FCHO2: variants seen among roughly 807,000 people sequenced by gnomAD.
FCHO2 encodes the protein F-BAR domain only protein 2.
In FCHO2, 43 loss-of-function variants were observed where a neutral mutation model predicts 114.1. That is an observed-to-expected ratio of 0.38 (90% confidence interval 0.30 to 0.49). FCHO2 has a LOEUF of 0.49. FCHO2 is among the 20% of genes least tolerant of loss of function. The pLI is 0.97. For synonymous variants in FCHO2, 293 were observed against 315.2 expected, an observed-to-expected ratio of 0.93 and a Z score of 0.75; for missense variants, 807 against 950.4, an observed-to-expected ratio of 0.85 and a Z score of 1.98.
intron 19 of FCHO2, among the ~76,000 whole-genome samples, chr5:73,071,782 T>C (rs1415894172): frequency 6.6e-6 from 1 of 152,004 alleles, no homozygotes; most frequent in Non-Finnish European, 1.5e-5. Flanking sequence ...ATGCCAACTG[T>C]TAAGTGGGTT....
At chr5:73,039,641 T>TG (rs1220592453) in intron 10 of FCHO2, among the ~76,000 whole-genome samples, 1 of 151,970 alleles carries the variant, frequency 6.6e-6, no homozygotes, top group Non-Finnish European at 1.5e-5. Context: ...GAAAGTCACC[T>TG]GGGGGGCCAG....
At chr5:73,019,445 G>A (rs1327497803) in intron 8 of FCHO2, among the ~76,000 whole-genome samples, 2 of 152,152 alleles carry the variant, frequency 1.3e-5, no homozygotes, top group Non-Finnish European at 2.9e-5. Flanking sequence ...GGGAGGCTGA[G>A]GCGGGAGAAT....
intron 8 of FCHO2, 83 bp downstream of exon 8, chr5:73,017,391 A>G (rs892702455): frequency 2.5e-6 from 2 of 799,458 alleles, no homozygotes; most frequent in African/African-American, 3.6e-5. Context: ...TCATGTGGGT[A>G]AGGGGTAATT....
At chr5:72,974,345 T>C (rs1580017590) in intron 2 of FCHO2, among the ~76,000 whole-genome samples, 1 of 142,058 alleles carries the variant, frequency 7.0e-6, no homozygotes, top group East Asian at 2.2e-4. Context: ...TCTAAGTCTC[T>C]TTGTAGGTCA....
intron 11 of FCHO2, among the ~76,000 whole-genome samples, chr5:73,049,086 C>G (rs1212430093): frequency 6.6e-6 from 1 of 151,524 alleles, no homozygotes; most frequent in Non-Finnish European, 1.5e-5. Context: ...CCGTGTTAGC[C>G]AGGATGGTCT....
chr5:73,060,139 T>C (rs566465408), intron 17 of FCHO2, among the ~76,000 whole-genome samples: 1 of 151,982 alleles, frequency 6.6e-6, no homozygotes. Flanking sequence ...AGTGTTTGGC[T>C]CATATCACCA....
intron 22 of FCHO2, among the ~76,000 whole-genome samples, chr5:73,080,859 C>T (rs1304898449): frequency 6.6e-6 from 1 of 151,962 alleles, no homozygotes; most frequent in Non-Finnish European, 1.5e-5. Context: ...GTCTATAATC[C>T]CAGTACTTTG....
chr5:73,013,477 G>T (rs1454323779), intron 6 of FCHO2, among the ~76,000 whole-genome samples: 1 of 152,158 alleles, frequency 6.6e-6, no homozygotes, highest in Non-Finnish European at 1.5e-5. Context: ...CAATAGAAAT[G>T]ACAAATGTAT....
intron 2 of FCHO2, among the ~76,000 whole-genome samples, chr5:72,987,445 C>G (rs1369470797): frequency 6.6e-6 from 1 of 152,100 alleles, no homozygotes; most frequent in African/African-American, 2.4e-5. Context: ...TCAAGCGATT[C>G]TCCTGCCTCA....
At chr5:73,046,308 C>T (rs1466298040) in intron 11 of FCHO2, among the ~76,000 whole-genome samples, 1 of 152,144 alleles carries the variant, frequency 6.6e-6, no homozygotes, top group African/African-American at 2.4e-5. Flanking sequence ...CTCAAGTGAT[C>T]CTCCTGTTTG....
At chr5:73,016,109 C>G (rs1755293384) in intron 7 of FCHO2, among the ~76,000 whole-genome samples, 1 of 151,786 alleles carries the variant, frequency 6.6e-6, no homozygotes, top group South Asian at 2.1e-4. Context: ...TTAATGATGA[C>G]AATTTGGGGT....
chr5:73,043,725 G>A (rs549073006), intron 11 of FCHO2, among the ~76,000 whole-genome samples: 2 of 152,168 alleles, frequency 1.3e-5, no homozygotes, highest in African/African-American at 4.8e-5. Flanking sequence ...AGTGATTGCT[G>A]TTTTAAAAAT....
chr5:73,054,512 A>G lies in FCHO2; in HGVS notation c.1186-13A>G. 1 of 1,538,098 alleles carries G rather than the reference A, an allele frequency of 6.5e-7. No individual in the cohort carries two copies. The highest frequency in any genetic ancestry group is 8.8e-7 in the Non-Finnish European group (1 of 1,140,880). On this transcript the variant is annotated splice_polypyrimidine_tract_variant and intron_variant, in intron 14 of 25. Transcript: ENST00000430046. Reference sequence around the variant, plus strand: ...ATTTGTTTTATGGTACCTATTTTGCATCTCTGTTTTAGGTACAGATGAATC... The same window carrying G: ...ATTTGTTTTATGGTACCTATTTTGCGTCTCTGTTTTAGGTACAGATGAATC...
intron 5 of FCHO2, among the ~76,000 whole-genome samples, chr5:72,991,539 T>C (rs1481825504): frequency 6.6e-6 from 1 of 152,254 alleles, no homozygotes; most frequent in East Asian, 1.9e-4. Flanking sequence ...TTTAAATGTG[T>C]GTTGTGGTGA....
intron 19 of FCHO2, among the ~76,000 whole-genome samples, chr5:73,073,219 A>G (rs1042729056): frequency 2.0e-4 from 30 of 152,072 alleles, no homozygotes; most frequent in African/African-American, 5.8e-4. Flanking sequence ...TTCCCTGCCA[A>G]CAGTCATTTT....
chr5:72,997,467 C>G lies in FCHO2; in HGVS notation c.495+6603C>G, dbSNP rs1271523112. The G allele has an allele frequency of 8.3e-6, 13 of 1,574,048 alleles. No homozygotes were observed. In the East Asian group the frequency reaches 2.5e-4, roughly 30 times the overall value. On this transcript the variant is annotated intron_variant, in intron 5 of 25. Coordinates refer to ENST00000430046, the MANE Select transcript of FCHO2 (RefSeq NM_138782.3). The stretch of plus-strand genomic sequence containing the variant: ...GACCTCTCCAGCATTGTGATCCTGG[C>G]TAACTCTCCAGGGGTTTACAGGAGC...
chr5:73,071,531 T>C (rs1383988816), intron 19 of FCHO2, among the ~76,000 whole-genome samples: 3 of 152,004 alleles, frequency 2.0e-5, no homozygotes, highest in Non-Finnish European at 4.4e-5. Flanking sequence ...GTTTATAAGC[T>C]CTCTACATTT....
At position 73,090,148 on chromosome 5, in the gene FCHO2, A is replaced by G. The variant is rs1407020369; in HGVS notation, c.*2058A>G. 6.6e-6 allele frequency: 1 copy of G among 152,594 alleles called. No homozygotes were observed. Among genetic ancestry groups the G allele is most frequent in the Non-Finnish European group, 1.5e-5 (1 of 67,978 alleles). 9.5% of individuals were successfully genotyped at this position (152,594 alleles called of 1,614,324 possible). A position where few individuals can be genotyped will look rare whatever the true frequency, so the allele number is the denominator to read the frequency against. On this transcript the variant is annotated 3_prime_UTR_variant, in exon 26 of 26. Transcript: ENST00000430046. Reference sequence around the variant, plus strand: ...AAACTTCTGCACTTTCTTAGTTACCACAGTCTTCATACCAAGTATTGGGTA... The same window carrying G: ...AAACTTCTGCACTTTCTTAGTTACCGCAGTCTTCATACCAAGTATTGGGTA...
chr5:73,036,309 G>A (rs980348337), intron 9 of FCHO2, among the ~76,000 whole-genome samples: 15 of 152,110 alleles, frequency 9.9e-5, no homozygotes, highest in Admixed American at 1.3e-4. Context: ...CAACATTATG[G>A]ACACAAGAAT....
Sources: allele counts gnomAD v4.1 joint callset (sites outside exome capture counted in the v4.1 genomes callset), GRCh38; gene constraint gnomAD v4.1.1; transcripts MANE v1.5; gene names NCBI Gene and HGNC (gene_info 2026-07-23, HGNC 2026-07-21).